Variants in PDE4D observed in about 807,000 individuals in gnomAD.
The protein encoded by PDE4D is 3',5'-cyclic-AMP phosphodiesterase 4D.
A neutral mutation model predicts 87.4 loss-of-function variants in PDE4D; 24 were observed. That is an observed-to-expected ratio of 0.27 (90% confidence interval 0.20 to 0.39). PDE4D has a LOEUF of 0.39. Among genes scored for constraint, PDE4D ranks in the 10% least tolerant of loss-of-function variants. The probability of loss-of-function intolerance (pLI) is 1.00; values close to 1 mark genes in which losing one functional copy is unlikely to be tolerated. For missense variants in PDE4D, 714 were observed against 1,041.0 expected (o/e 0.69, Z 4.32); for synonymous variants, 384 against 383.2 (o/e 1.00, Z -0.02).
chr5:59,887,084 G>A (rs957004742), intron 1 of PDE4D, among the ~76,000 whole-genome samples: 1 of 152,140 alleles, frequency 6.6e-6, no homozygotes, highest in Non-Finnish European at 1.5e-5. Context: ...AGATCTTGGT[G>A]GTCTTTGAGA....
At chr5:59,160,427 G>A (rs1379690777) in intron 5 of PDE4D, among the ~76,000 whole-genome samples, 1 of 151,366 alleles carries the variant, frequency 6.6e-6, no homozygotes, top group Non-Finnish European at 1.5e-5. Context: ...CTTGAATATC[G>A]CTGTTGTCTT....
At chr5:60,482,302 A>G (rs759813753) in intron 1 of PDE4D, among the ~76,000 whole-genome samples, 1 of 152,150 alleles carries the variant, frequency 6.6e-6, no homozygotes, top group Non-Finnish European at 1.5e-5. Flanking sequence ...TCAGAATTCT[A>G]GCCTCCAGAA....
chr5:59,080,120 C>T (rs997868866), intron 5 of PDE4D, among the ~76,000 whole-genome samples: 11 of 152,280 alleles, frequency 7.2e-5, no homozygotes, highest in African/African-American at 2.6e-4. Flanking sequence ...GCCTCAGAGC[C>T]TGCATTATCT....
intron 1 of PDE4D, among the ~76,000 whole-genome samples, chr5:59,685,009 C>A (rs1162955524): frequency 3.3e-5 from 5 of 152,170 alleles, no homozygotes; most frequent in African/African-American, 4.8e-5. Context: ...CATTTCTAAT[C>A]CCATTTTGGC....
intron 1 of PDE4D, among the ~76,000 whole-genome samples, chr5:59,686,843 T>G (rs551469164): frequency 6.6e-6 from 1 of 152,262 alleles, no homozygotes; most frequent in East Asian, 1.9e-4. Context: ...ACCAAATGAC[T>G]GGGGAGTTAC....
intron 1 of PDE4D, among the ~76,000 whole-genome samples, chr5:59,700,053 T>C (rs1052737310): frequency 6.6e-6 from 1 of 152,172 alleles, no homozygotes; most frequent in African/African-American, 2.4e-5. Flanking sequence ...CTGGGATCCC[T>C]GGTCACAAAT....
At chr5:60,351,989 G>A (rs971839005) in intron 1 of PDE4D, among the ~76,000 whole-genome samples, 7 of 147,282 alleles carry the variant, frequency 4.8e-5, no homozygotes, top group Non-Finnish European at 9.0e-5. Flanking sequence ...TTTTTCTGTA[G>A]ACATGTGGTC....
chr5:60,317,337 CT>C (rs1163418149), intron 1 of PDE4D, among the ~76,000 whole-genome samples: 17 of 152,182 alleles, frequency 1.1e-4, no homozygotes. Flanking sequence ...GGTGATATCC[CT>C]TTTATTATTT....
chr5:60,094,675 T>A (rs1372668322), intron 2 of PDE4D, among the ~76,000 whole-genome samples: 1 of 131,010 alleles, frequency 7.6e-6, no homozygotes, highest in African/African-American at 2.8e-5. Flanking sequence ...TGAAGAGACA[T>A]ACAGGGAAGG....
chr5:60,376,834 A>C (rs181971140), intron 1 of PDE4D, among the ~76,000 whole-genome samples: 1 of 152,166 alleles, frequency 6.6e-6, no homozygotes, highest in Non-Finnish European at 1.5e-5. Context: ...TTTGTTGACT[A>C]TCTCCAAATG....
At chr5:59,425,470 T>TA (rs1795056475) in intron 1 of PDE4D, among the ~76,000 whole-genome samples, 1 of 152,002 alleles carries the variant, frequency 6.6e-6, no homozygotes. Flanking sequence ...CTTATTACAA[T>TA]AAAAAAAGTC....
chr5:60,098,593 A>G (rs1322900322), intron 2 of PDE4D, among the ~76,000 whole-genome samples: 1 of 152,006 alleles, frequency 6.6e-6, no homozygotes, highest in Admixed American at 6.6e-5. Context: ...TTGTTAATGT[A>G]CAGAAATGCA....
intron 1 of PDE4D, among the ~76,000 whole-genome samples, chr5:59,683,283 TG>T (rs1749329811): frequency 6.6e-6 from 1 of 152,074 alleles, no homozygotes; most frequent in Non-Finnish European, 1.5e-5. Context: ...ATAAAGTAAA[TG>T]TAGTAAAATG....
chr5:59,589,031 G>A (rs927452791), intron 1 of PDE4D, among the ~76,000 whole-genome samples: 22 of 152,308 alleles, frequency 1.4e-4, no homozygotes, highest in Admixed American at 3.9e-4. Flanking sequence ...TTCTAAGATA[G>A]TTACAGTATT....
intron 3 of PDE4D, among the ~76,000 whole-genome samples, chr5:59,189,261 T>TG (rs112469175): frequency 1.5e-4 from 22 of 147,048 alleles, no homozygotes; most frequent in African/African-American, 4.0e-4. Context: ...TTGTTTTTTT[T>TG]TTTTTGAGAC....
At chr5:59,501,120 AT>A in intron 1 of PDE4D, among the ~76,000 whole-genome samples, 1 of 152,318 alleles carries the variant, frequency 6.6e-6, no homozygotes, top group South Asian at 2.1e-4. Context: ...CAATAACAAA[AT>A]TATATCTTTG....
chr5:59,948,051 T>C (rs994003305), intron 3 of PDE4D, among the ~76,000 whole-genome samples: 6 of 152,188 alleles, frequency 3.9e-5, no homozygotes, highest in Non-Finnish European at 8.8e-5. Context: ...TAATTTGTAA[T>C]GCTTGATATA....
chr5:60,063,438 G>T lies in PDE4D; in HGVS notation c.43-74721C>A, dbSNP rs377701463. Among the ~76,000 whole-genome samples, 4 of 152,218 alleles carry T rather than the reference G, an allele frequency of 2.6e-5. No individual in the cohort carries two copies. In the East Asian group the frequency reaches 7.8e-4, roughly 29 times the overall value. On this transcript the variant is annotated intron_variant, in intron 2 of 16. Coordinates refer to the PDE4D transcript ENST00000502484. ...TAAAATATGAAACCAGCTTTGCAAA[G>T]ATTATAACAATGAGAGAAGGCTAGC...
At chr5:59,317,805 T>A (rs1774029776) in intron 1 of PDE4D, among the ~76,000 whole-genome samples, 1 of 152,146 alleles carries the variant, frequency 6.6e-6, no homozygotes, top group South Asian at 2.1e-4. Context: ...CTTGAGGTTA[T>A]GCAGCTGGAT....
Sources: gnomAD v4.1 joint callset for allele counts (sites outside exome capture counted in the v4.1 genomes callset) on GRCh38, gnomAD v4.1.1 for gene constraint, MANE v1.5 for transcripts, NCBI Gene and HGNC (gene_info 2026-07-23, HGNC 2026-07-21) for gene names.